DPP10: variants seen among roughly 807,000 people sequenced by gnomAD.
DPP10 encodes inactive dipeptidyl peptidase 10.
DPP10 carries 33 observed loss-of-function variants against 120.9 expected under a neutral mutation model. The ratio of observed to expected loss-of-function variants is 0.27; its 90% CI spans 0.21 to 0.37. DPP10 has a LOEUF of 0.37. DPP10 is among the 10% of genes least tolerant of loss of function. The pLI, the probability that DPP10 is intolerant of heterozygous loss-of-function variation, is 1.00. For missense variants in DPP10, 816 were observed against 942.8 expected (o/e 0.87, Z 1.76); for synonymous variants, 337 against 326.1 (o/e 1.03, Z -0.36).
chr2:114,758,421 T>G (rs2106086475), intron 1 of DPP10, among the ~76,000 whole-genome samples: 1 of 152,154 alleles, frequency 6.6e-6, no homozygotes, highest in East Asian at 1.9e-4. Context: ...GATCTGAGGG[T>G]TTTTTCCCTC....
At chr2:115,771,365 C>T (rs1288907022) in intron 13 of DPP10, among the ~76,000 whole-genome samples, 1 of 152,104 alleles carries the variant, frequency 6.6e-6, no homozygotes, top group East Asian at 1.9e-4. Flanking sequence ...TAAGCCACCA[C>T]GCCCGGCCTG....
chr2:115,113,343 A>T (rs1260273920), intron 1 of DPP10, among the ~76,000 whole-genome samples: 2 of 152,090 alleles, frequency 1.3e-5, no homozygotes, highest in South Asian at 4.1e-4. Context: ...AATGTTCCAA[A>T]TGGTTCTTTT....
intron 12 of DPP10, 28 bp downstream of exon 12, chr2:115,762,638 T>G (rs777333291): frequency 1.9e-6 from 3 of 1,611,634 alleles, no homozygotes; most frequent in Non-Finnish European, 2.5e-6. Context: ...TGTCACATCT[T>G]GGCCATTGTG....
chr2:115,033,052 T>C (rs944526431), intron 1 of DPP10, among the ~76,000 whole-genome samples: 10 of 152,150 alleles, frequency 6.6e-5, no homozygotes, highest in African/African-American at 2.4e-4. Flanking sequence ...TAACAGTCAG[T>C]CCTTGCAGGG....
At chr2:115,306,158 G>T (rs971090054) in intron 1 of DPP10, among the ~76,000 whole-genome samples, 1 of 152,134 alleles carries the variant, frequency 6.6e-6, no homozygotes, top group African/African-American at 2.4e-5. Context: ...AAGTAGCGGA[G>T]TTGGATTCAA....
chr2:114,948,840 A>C (rs1697560144), intron 1 of DPP10, among the ~76,000 whole-genome samples: 1 of 152,104 alleles, frequency 6.6e-6, no homozygotes, highest in Non-Finnish European at 1.5e-5. Flanking sequence ...GGAAACTTAC[A>C]TTCGTGGTTA....
intron 1 of DPP10, among the ~76,000 whole-genome samples, chr2:115,265,888 G>C (rs2059441385): frequency 6.6e-6 from 1 of 150,928 alleles, no homozygotes; most frequent in Non-Finnish European, 1.5e-5. Context: ...AGACTGCAGT[G>C]AGCTCAGATC....
chr2:114,880,013 C>T (rs556248991), intron 1 of DPP10, among the ~76,000 whole-genome samples: 2 of 152,196 alleles, frequency 1.3e-5, no homozygotes, highest in East Asian at 1.9e-4. Context: ...CCACGTAAAG[C>T]GTTTTATGAC....
chr2:115,165,512 C>G (rs1265854686), intron 1 of DPP10, among the ~76,000 whole-genome samples: 2 of 152,128 alleles, frequency 1.3e-5, no homozygotes, highest in Non-Finnish European at 2.9e-5. Flanking sequence ...TAAATCACAG[C>G]TCTGCTAATT....
intron 3 of DPP10, among the ~76,000 whole-genome samples, chr2:115,490,638 G>A (rs1448456): frequency 0.42 from 63,642 of 152,004 alleles, 14,150 homozygotes; most frequent in East Asian, 0.65. Flanking sequence ...CCTCTTTAAA[G>A]TATTTTACAA....
intron 5 of DPP10, among the ~76,000 whole-genome samples, chr2:115,679,581 T>C (rs999324511): frequency 2.6e-5 from 4 of 152,184 alleles, no homozygotes; most frequent in Non-Finnish European, 4.4e-5. Context: ...ATGAATAGTA[T>C]GGAATCATTG....
At chr2:114,820,035 T>C (rs1157690296) in intron 1 of DPP10, among the ~76,000 whole-genome samples, 4 of 152,242 alleles carry the variant, frequency 2.6e-5, no homozygotes, top group African/African-American at 7.2e-5. Context: ...GTAATTTTGA[T>C]TGAGTGGCTG....
chr2:115,768,440 T>C (rs201890949), intron 13 of DPP10, 36 bp downstream of exon 13: 4 of 1,576,388 alleles, frequency 2.5e-6, no homozygotes, highest in Non-Finnish European at 3.5e-6. Flanking sequence ...TTGATTTCAT[T>C]GTCCTCATGT....
chr2:115,386,661 A>G (rs1003783055), intron 3 of DPP10, among the ~76,000 whole-genome samples: 3 of 152,140 alleles, frequency 2.0e-5, no homozygotes, highest in South Asian at 2.1e-4. Flanking sequence ...ATTAGCTTCT[A>G]TCCTTCCTGG....
chr2:115,439,239 TG>T (rs1397863787), intron 3 of DPP10, among the ~76,000 whole-genome samples: 16 of 131,892 alleles, frequency 1.2e-4, no homozygotes, highest in Non-Finnish European at 2.1e-4. Context: ...AAGATGGTCA[TG>T]GGAGCACAGT....
chr2:114,989,254 G>A (rs1010795484), intron 1 of DPP10, among the ~76,000 whole-genome samples: 13 of 152,058 alleles, frequency 8.5e-5, no homozygotes, highest in Admixed American at 6.5e-4. Context: ...TTGTCATCAG[G>A]GGTCTATGCA....
chr2:115,038,240 A>G (rs1043044504), intron 1 of DPP10, among the ~76,000 whole-genome samples: 2 of 151,192 alleles, frequency 1.3e-5, no homozygotes, highest in Non-Finnish European at 2.9e-5. Context: ...TACTCAGCAA[A>G]TATTTATTTA....
At chr2:114,882,532 A>C (rs1475689894) in intron 1 of DPP10, among the ~76,000 whole-genome samples, 4 of 143,350 alleles carry the variant, frequency 2.8e-5, no homozygotes, top group African/African-American at 1.0e-4. Context: ...GAAGGGTGGG[A>C]GGGGAGGTGA....
chr2:115,340,285 G>C (rs2063380086), intron 2 of DPP10, among the ~76,000 whole-genome samples: 1 of 152,004 alleles, frequency 6.6e-6, no homozygotes, highest in African/African-American at 2.4e-5. Flanking sequence ...AAATAATTTA[G>C]AATGGGAATG....
Sources: gnomAD v4.1 joint callset for allele counts (sites outside exome capture counted in the v4.1 genomes callset) on GRCh38, gnomAD v4.1.1 for gene constraint, MANE v1.5 for transcripts, NCBI Gene and HGNC (gene_info 2026-07-23, HGNC 2026-07-21) for gene names.